The following CFAP221 variants were observed in gnomAD, a reference collection of about 807,000 sequenced individuals.
The protein encoded by CFAP221 is cilia- and flagella-associated protein 221.
Under a neutral mutation model 113.1 loss-of-function variants are expected in CFAP221, and 97 were observed. The ratio of observed to expected loss-of-function variants is 0.86; its 90% CI spans 0.73 to 1.02. The LOEUF is 1.02. CFAP221 is among the 50% of genes least tolerant of loss of function. The probability of loss-of-function intolerance (pLI) is 0.00; values close to 1 mark genes in which losing one functional copy is unlikely to be tolerated. For missense variants in CFAP221, 1,025 were observed against 1,013.4 expected (o/e 1.01, Z -0.16); for synonymous variants, 331 against 354.4 (o/e 0.93, Z 0.74).
intron 3 of CFAP221, among the ~76,000 whole-genome samples, chr2:119,553,614 G>C (rs767567191): frequency 1.3e-5 from 2 of 152,132 alleles, no homozygotes; most frequent in Non-Finnish European, 2.9e-5. Context: ...ATTGAGCTTT[G>C]GAAGGTTGTA....
chr2:119,557,958 CAAAAAAAAAA>C (rs11286852), intron 3 of CFAP221, among the ~76,000 whole-genome samples: 1 of 104,026 alleles, frequency 9.6e-6, no homozygotes, highest in Non-Finnish European at 2.0e-5. Context: ...GACTCCGTCT[CAAAAAAAAAA>C]AAAAAAAAAG....
chr2:119,648,517 T>C, intron 22 of CFAP221: 1 of 231,032 alleles, frequency 4.3e-6, no homozygotes, highest in South Asian at 4.8e-5. Context: ...CAGCCCTGCA[T>C]GACAAGAGCT....
At chr2:119,571,384 C>T (rs927882132) in intron 6 of CFAP221, among the ~76,000 whole-genome samples, 1 of 151,910 alleles carries the variant, frequency 6.6e-6, no homozygotes, top group African/African-American at 2.4e-5. Flanking sequence ...AGGTGATCCA[C>T]CCACCTCCGC....
chr2:119,615,252 A>G (rs1290887743), intron 13 of CFAP221, among the ~76,000 whole-genome samples: 1 of 152,190 alleles, frequency 6.6e-6, no homozygotes, highest in Non-Finnish European at 1.5e-5. Flanking sequence ...AAGTAGTCCT[A>G]CCCAGCCAGG....
intron 22 of CFAP221, 28 bp downstream of exon 22, chr2:119,647,078 C>CA: frequency 1.3e-6 from 2 of 1,573,332 alleles, no homozygotes; most frequent in Non-Finnish European, 1.7e-6. Flanking sequence ...AATCTTTGGC[C>CA]TCTAATGTGG....
intron 11 of CFAP221, among the ~76,000 whole-genome samples, chr2:119,607,062 G>A (rs552452565): frequency 6.6e-6 from 1 of 152,248 alleles, no homozygotes; most frequent in South Asian, 2.1e-4. Context: ...CACACTGATA[G>A]AATAATATTA....
At chr2:119,643,705 G>A (rs1255292682) in intron 21 of CFAP221, among the ~76,000 whole-genome samples, 1 of 152,058 alleles carries the variant, frequency 6.6e-6, no homozygotes, top group Admixed American at 6.5e-5. Flanking sequence ...CACCACACCT[G>A]GCTAACTTTT....
intron 6 of CFAP221, among the ~76,000 whole-genome samples, chr2:119,574,110 A>C (rs1682258272): frequency 6.6e-6 from 1 of 152,224 alleles, no homozygotes; most frequent in Admixed American, 6.5e-5. Context: ...ACCTTATAAA[A>C]GCCTACCTTG....
chr2:119,545,984 C>T (rs931621098), intron 1 of CFAP221, 101 bp from the exon 2 acceptor site: 1 of 843,894 alleles, frequency 1.2e-6, no homozygotes, highest in Non-Finnish European at 1.8e-6. Flanking sequence ...AGGGCATGAA[C>T]CACAGTAAAC....
At chr2:119,612,910 C>T (rs1685277411) in intron 13 of CFAP221, among the ~76,000 whole-genome samples, 1 of 152,204 alleles carries the variant, frequency 6.6e-6, no homozygotes, top group African/African-American at 2.4e-5. Context: ...GTCCCTTCCA[C>T]CTATGAGCCT....
At chr2:119,572,191 A>C (rs1682107220) in intron 6 of CFAP221, among the ~76,000 whole-genome samples, 1 of 152,234 alleles carries the variant, frequency 6.6e-6, no homozygotes, top group Non-Finnish European at 1.5e-5. Context: ...TGGTGGCTTG[A>C]GGTCTGGTAA....
intron 19 of CFAP221, among the ~76,000 whole-genome samples, chr2:119,631,650 G>C (rs1686782962): frequency 6.6e-6 from 1 of 152,176 alleles, no homozygotes; most frequent in South Asian, 2.1e-4. Flanking sequence ...ACTCCAGCCT[G>C]GGTGACAGAG....
At chr2:119,580,121 G>A (rs1176885601) in intron 6 of CFAP221, 1 of 152,206 alleles carries the variant, frequency 6.6e-6, no homozygotes, top group South Asian at 2.1e-4. Context: ...CTGACACTCA[G>A]TGGGGCCTGA....
rs568583341 is a variant in CFAP221 at position 119,581,362 on chromosome 2, T to G, written c.528-5757T>G. ...GAAACAAAAATAGATGGACATTGTT[T>G]TAAAGATCAGATAGATAAAAAGAAC... On this transcript the variant is annotated intron_variant, in intron 6 of 23. Coordinates refer to ENST00000413369, the MANE Select transcript of CFAP221 (RefSeq NM_001271049.2). Among the ~76,000 whole-genome samples the G allele has an allele frequency of 2.6e-5, 4 of 152,318 alleles. No individual in the cohort carries two copies. The East Asian group carries it at 7.7e-4, about 29-fold the overall frequency.
intron 20 of CFAP221, 83 bp from the exon 21 acceptor site, chr2:119,639,698 A>G: frequency 2.6e-6 from 3 of 1,138,638 alleles, no homozygotes; most frequent in Non-Finnish European, 3.9e-6. Context: ...TTTAAGTCTG[A>G]AAAATAGTTG....
chr2:119,576,388 T>C (rs1682444437), intron 6 of CFAP221, among the ~76,000 whole-genome samples: 2 of 152,158 alleles, frequency 1.3e-5, no homozygotes, highest in Non-Finnish European at 2.9e-5. Flanking sequence ...CAGGGTGTGT[T>C]GTTCACCTCT....
At chr2:119,654,955 C>T (rs1216359236) in intron 23 of CFAP221, among the ~76,000 whole-genome samples, 1 of 152,140 alleles carries the variant, frequency 6.6e-6, no homozygotes, top group East Asian at 1.9e-4. Flanking sequence ...TCAGTTTTTC[C>T]TTCTCTGTTC....
intron 6 of CFAP221, among the ~76,000 whole-genome samples, chr2:119,578,465 T>G (rs746995492): frequency 2.6e-5 from 4 of 152,350 alleles, no homozygotes; most frequent in South Asian, 2.1e-4. Flanking sequence ...GATCTATGAA[T>G]GATTCTCATA....
At chr2:119,602,409 T>TA (rs1684427686) in intron 8 of CFAP221, among the ~76,000 whole-genome samples, 1 of 152,132 alleles carries the variant, frequency 6.6e-6, no homozygotes, top group African/African-American at 2.4e-5. Flanking sequence ...TGTCACAGTA[T>TA]AAATACCAAT....
Sources: allele counts gnomAD v4.1 joint callset (sites outside exome capture counted in the v4.1 genomes callset), GRCh38; gene constraint gnomAD v4.1.1; transcripts MANE v1.5; gene names NCBI Gene and HGNC (gene_info 2026-07-23, HGNC 2026-07-21).